Variants in PGGT1B observed in about 807,000 individuals in gnomAD.
PGGT1B encodes protein geranylgeranyltransferase type I subunit beta, also known as geranylgeranyl transferase type-1 subunit beta.
A neutral mutation model predicts 46.1 loss-of-function variants in PGGT1B; 30 were observed. That is an observed-to-expected ratio of 0.65 (90% CI 0.49 to 0.88). PGGT1B has a LOEUF of 0.88. PGGT1B is among the 40% of genes least tolerant of loss of function. PGGT1B has a pLI of 0.00. For missense variants in PGGT1B, 376 were observed against 455.9 expected (o/e 0.82, Z 1.60); for synonymous variants, 170 against 160.0 (o/e 1.06, Z -0.47).
intron 6 of PGGT1B, among the ~76,000 whole-genome samples, chr5:115,227,489 T>G (rs574296119): frequency 1.3e-5 from 2 of 152,194 alleles, no homozygotes; most frequent in Non-Finnish European, 2.9e-5. Context: ...CTTCTTACTC[T>G]TGCCCTGGTT....
chr5:115,229,616 G>A (rs1181219584), intron 6 of PGGT1B, among the ~76,000 whole-genome samples: 2 of 152,068 alleles, frequency 1.3e-5, no homozygotes, highest in Non-Finnish European at 2.9e-5. Context: ...CCAATGTCTT[G>A]GAAATAATAT....
rs1447047533 is a variant in PGGT1B, at chr5:115,205,917, G to C, written c.*6485C>G. 1 of 123,862 alleles carries C rather than the reference G, an allele frequency of 8.1e-6. No homozygotes were observed. Among genetic ancestry groups the C allele is most frequent in the Non-Finnish European group, 1.6e-5 (1 of 60,806 alleles). The allele number at this position is 123,862 out of a possible 1,614,324, so 7.7% of individuals were successfully genotyped here. A position where few individuals can be genotyped will look rare whatever the true frequency, so the allele number is the denominator to read the frequency against. On this transcript the variant is annotated 3_prime_UTR_variant, in exon 9 of 9. Transcript: ENST00000419445. ...ATCTCACAGCAATATTTTTGTAGTT[G>C]TGAAAAATAAGGCACTGATTAATCA...
chr5:115,222,016 T>A lies in PGGT1B; in HGVS notation c.659-8A>T. 6.5e-7 allele frequency: 1 copy of A among 1,531,542 alleles called. No homozygotes were observed. Among genetic ancestry groups the A allele is most frequent in the Non-Finnish European group, 8.8e-7 (1 of 1,139,402 alleles). The allele number at this position is 1,531,542 out of a possible 1,614,324, so 94.9% of individuals were successfully genotyped here. Reference sequence around the variant, plus strand: ...CACAAAAAGTTGATCCTCCTGTTAATCAAAACCACACAACGTTTTAAACTT... The same window carrying A: ...CACAAAAAGTTGATCCTCCTGTTAAACAAAACCACACAACGTTTTAAACTT... On this transcript the variant is annotated splice_region_variant and splice_polypyrimidine_tract_variant and intron_variant, in intron 6 of 8. Transcript: ENST00000419445.
chr5:115,247,951 A>G (rs1156856484), intron 2 of PGGT1B, among the ~76,000 whole-genome samples: 4 of 152,234 alleles, frequency 2.6e-5, no homozygotes, highest in Non-Finnish European at 4.4e-5. Flanking sequence ...GTCTTGATCT[A>G]TAATATTTCC....
At chr5:115,221,412 A>G (rs890777740) in intron 7 of PGGT1B, among the ~76,000 whole-genome samples, 12 of 152,032 alleles carry the variant, frequency 7.9e-5, no homozygotes, top group Admixed American at 6.6e-5. Flanking sequence ...TGGTTTTTGA[A>G]GAAATGACCC....
At position 115,221,899 on chromosome 5, in the gene PGGT1B, T is replaced by C; in HGVS notation, c.768A>G (p.Gln256=). The change falls in exon 7 of 9, where the codon CAA becomes CAG. Residue 256 remains glutamine, a synonymous_variant. Coordinates refer to ENST00000419445, the MANE Select transcript of PGGT1B (RefSeq NM_005023.4). Reference sequence around the variant, plus strand: ...TAGGTCTTCCATGATAACCATTTTGTTGCCTCATTATACACCACCTCTTTA... The same window carrying C: ...TAGGTCTTCCATGATAACCATTTTGCTGCCTCATTATACACCACCTCTTTA... The part of the protein sequence containing the change: ...NRIKRWCIMR[Q]QNGYHGRPNK... 2 of 1,610,812 alleles carry C rather than the reference T, an allele frequency of 1.2e-6. No individual in the cohort carries two copies. The highest frequency in any genetic ancestry group is 1.7e-6 in the Non-Finnish European group (2 of 1,178,414).
chr5:115,206,442 T>C lies in PGGT1B; in HGVS notation c.*5960A>G, dbSNP rs1049809369. The C allele has an allele frequency of 6.6e-6, 1 of 152,068 alleles. No individual in the cohort carries two copies. The highest frequency in any genetic ancestry group is 1.5e-5 in the Non-Finnish European group (1 of 67,912). 9.4% of individuals were successfully genotyped at this position (152,068 alleles called of 1,614,324 possible). ...AATAATTAAGCACCAGTAATCTCAA[T>C]AGCACTTACTTAAAAGTTCATTTTC... On this transcript the variant is annotated 3_prime_UTR_variant, in exon 9 of 9. Transcript: ENST00000419445.
intron 5 of PGGT1B, among the ~76,000 whole-genome samples, chr5:115,235,003 C>A (rs1044896720): frequency 6.6e-6 from 1 of 151,932 alleles, no homozygotes; most frequent in African/African-American, 2.4e-5. Context: ...TAAACCCTAT[C>A]CTCCAACAAG....
chr5:115,234,384 G>A (rs544285096), intron 5 of PGGT1B, among the ~76,000 whole-genome samples: 7 of 151,860 alleles, frequency 4.6e-5, no homozygotes, highest in Admixed American at 6.6e-5. Flanking sequence ...GTTAAGAAGA[G>A]GGGGGAATAC....
intron 7 of PGGT1B, among the ~76,000 whole-genome samples, chr5:115,217,207 C>T (rs1756447522): frequency 6.6e-6 from 1 of 151,820 alleles, no homozygotes; most frequent in South Asian, 2.1e-4. Flanking sequence ...ACCAGGCCAA[C>T]TGAACCCTTT....
At chr5:115,246,186 T>C (rs369491999) in intron 2 of PGGT1B, among the ~76,000 whole-genome samples, 48 of 152,116 alleles carry the variant, frequency 3.2e-4, no homozygotes, top group African/African-American at 1.2e-3. Context: ...TTCTACCCCA[T>C]CTCTACTAAA....
chr5:115,213,866 T>G (rs550906794), intron 8 of PGGT1B, among the ~76,000 whole-genome samples: 1 of 152,322 alleles, frequency 6.6e-6, no homozygotes, highest in South Asian at 2.1e-4. Flanking sequence ...GTATCACTTA[T>G]TTTTCAAAAC....
chr5:115,254,246 T>A (rs1748220016), intron 1 of PGGT1B, among the ~76,000 whole-genome samples: 1 of 152,028 alleles, frequency 6.6e-6, no homozygotes, highest in South Asian at 2.1e-4. Context: ...AGGTTGAGTA[T>A]CCCTTATCTG....
intron 2 of PGGT1B, among the ~76,000 whole-genome samples, chr5:115,242,996 G>A (rs925973895): frequency 3.3e-5 from 5 of 151,836 alleles, no homozygotes; most frequent in Non-Finnish European, 7.4e-5. Context: ...TGGTGATTAT[G>A]ATTTCAGTGA....
intron 5 of PGGT1B, among the ~76,000 whole-genome samples, chr5:115,234,667 A>G (rs924241191): frequency 3.3e-5 from 5 of 152,018 alleles, no homozygotes; most frequent in Admixed American, 1.3e-4. Flanking sequence ...TACTTTGACT[A>G]TATGCCCTCA....
intron 8 of PGGT1B, among the ~76,000 whole-genome samples, chr5:115,213,634 G>A (rs1213681977): frequency 6.6e-6 from 1 of 152,098 alleles, no homozygotes; most frequent in African/African-American, 2.4e-5. Context: ...TACCAGGTAT[G>A]GTGGCGTGCG....
chr5:115,225,943 C>T (rs960706818), intron 6 of PGGT1B, among the ~76,000 whole-genome samples: 5 of 151,790 alleles, frequency 3.3e-5, no homozygotes, highest in African/African-American at 1.2e-4. Flanking sequence ...CCACCATGCC[C>T]GGCCAAGTGA....
intron 5 of PGGT1B, among the ~76,000 whole-genome samples, chr5:115,234,234 G>A (rs768222709): frequency 5.1e-4 from 76 of 150,136 alleles, no homozygotes; most frequent in Non-Finnish European, 7.5e-4. Context: ...AAAGAATATG[G>A]TATGCTACCT....
chr5:115,214,198 C>T (rs1309868218), intron 8 of PGGT1B, among the ~76,000 whole-genome samples: 1 of 152,038 alleles, frequency 6.6e-6, no homozygotes, highest in East Asian at 1.9e-4. Context: ...AAACTAAAAT[C>T]TCTCTGGGTA....
Sources: gnomAD v4.1 joint callset for allele counts (sites outside exome capture counted in the v4.1 genomes callset) on GRCh38, gnomAD v4.1.1 for gene constraint, MANE v1.5 for transcripts, NCBI Gene and HGNC (gene_info 2026-07-23, HGNC 2026-07-21) for gene names.